Variants in LINGO2 observed in about 807,000 individuals in gnomAD.
The protein encoded by LINGO2 is leucine rich repeat and Ig domain containing 2.
Under a neutral mutation model 30.6 loss-of-function variants are expected in LINGO2, and 14 were observed. That is an observed-to-expected ratio of 0.46 (90% CI 0.30 to 0.72). The LOEUF is 0.72. Among genes scored for constraint, LINGO2 ranks in the 30% least tolerant of loss-of-function variants. The pLI is 0.07. For missense variants in LINGO2, 729 were observed against 751.7 expected (o/e 0.97, Z 0.35); for synonymous variants, 317 against 288.5 (o/e 1.10, Z -1.00).
the LINGO2 span, among the ~76,000 whole-genome samples, chr9:28,801,827 C>G: frequency 6.6e-6 from 1 of 151,962 alleles, no homozygotes; most frequent in Non-Finnish European, 1.5e-5. Context: ...GAAGTAGTAA[C>G]AATTAAAATT....
chr9:27,947,849 C>T (rs1177888440), downstream of LINGO2, among the ~76,000 whole-genome samples: 1 of 152,164 alleles, frequency 6.6e-6, no homozygotes, highest in African/African-American at 2.4e-5. Context: ...GAATATTATC[C>T]TATGGTTATT....
chr9:28,502,893 T>C (rs998879367), intron 1 of LINGO2, among the ~76,000 whole-genome samples: 2 of 152,046 alleles, frequency 1.3e-5, no homozygotes, highest in Non-Finnish European at 2.9e-5. Flanking sequence ...TGTGAGAAAA[T>C]GAGGCATGAA....
chr9:28,576,793 G>C (rs76789363), intron 1 of LINGO2, among the ~76,000 whole-genome samples: 6,128 of 152,104 alleles, frequency 0.04, 154 homozygotes, highest in African/African-American at 0.063. Context: ...TGAGATTTTG[G>C]TGTACCCTTA....
chr9:28,478,697 G>T (rs1385468846), intron 1 of LINGO2, among the ~76,000 whole-genome samples: 1 of 152,048 alleles, frequency 6.6e-6, no homozygotes, highest in East Asian at 1.9e-4. Context: ...ATTCCTGTGA[G>T]ATCAACAATA....
chr9:28,100,901 C>T (rs545438954), intron 4 of LINGO2, among the ~76,000 whole-genome samples: 4 of 152,148 alleles, frequency 2.6e-5, no homozygotes, highest in South Asian at 4.2e-4. Context: ...TCGCCACCCA[C>T]GAAAACTACA....
At chr9:28,878,606 C>T in the LINGO2 span, among the ~76,000 whole-genome samples, 8 of 152,226 alleles carry the variant, frequency 5.3e-5, no homozygotes, top group South Asian at 6.2e-4. Flanking sequence ...ACTGGCAAAC[C>T]GAATCCAGCA....
the LINGO2 span, among the ~76,000 whole-genome samples, chr9:28,875,213 C>A: frequency 6.6e-6 from 1 of 152,026 alleles, no homozygotes; most frequent in Non-Finnish European, 1.5e-5. Flanking sequence ...AAAAATAGTA[C>A]AACTTACATC....
intron 4 of LINGO2, among the ~76,000 whole-genome samples, chr9:28,067,339 G>C (rs1825344119): frequency 6.6e-6 from 1 of 152,058 alleles, no homozygotes; most frequent in African/African-American, 2.4e-5. Flanking sequence ...CTTAGAGATA[G>C]TATAGCATTT....
At chr9:28,915,187 T>A in the LINGO2 span, among the ~76,000 whole-genome samples, 1 of 152,054 alleles carries the variant, frequency 6.6e-6, no homozygotes, top group African/African-American at 2.4e-5. Context: ...GTCACAAACT[T>A]TGAGGACACA....
chr9:28,508,362 A>T (rs1031712475), intron 1 of LINGO2, among the ~76,000 whole-genome samples: 1 of 152,092 alleles, frequency 6.6e-6, no homozygotes, highest in African/African-American at 2.4e-5. Flanking sequence ...TTTTACTCAG[A>T]TGACTTATAA....
chr9:29,022,391 T>C, the LINGO2 span, among the ~76,000 whole-genome samples: 1 of 152,160 alleles, frequency 6.6e-6, no homozygotes, highest in Admixed American at 6.6e-5. Flanking sequence ...TCTGTTATTA[T>C]GCCCATACAA....
intron 1 of LINGO2, among the ~76,000 whole-genome samples, chr9:28,494,908 T>A: frequency 6.6e-6 from 1 of 152,230 alleles, no homozygotes; most frequent in African/African-American, 2.4e-5. Flanking sequence ...ATGATTGCCA[T>A]TCTAACTGCT....
the LINGO2 span, chr9:27,937,742 T>G: frequency 6.6e-6 from 1 of 152,080 alleles, no homozygotes; most frequent in Non-Finnish European, 1.5e-5. Context: ...CTCCCACCCC[T>G]ATATTTTAAT....
At chr9:28,389,831 T>C (rs1329847748) in intron 2 of LINGO2, among the ~76,000 whole-genome samples, 1 of 152,216 alleles carries the variant, frequency 6.6e-6, no homozygotes, top group African/African-American at 2.4e-5. Flanking sequence ...TTGAATTACC[T>C]ATGGAGGACA....
chr9:28,065,604 T>C (rs1825290209), intron 4 of LINGO2, among the ~76,000 whole-genome samples: 2 of 152,270 alleles, frequency 1.3e-5, no homozygotes, highest in African/African-American at 4.8e-5. Flanking sequence ...AAGTGTAAGA[T>C]AGATTCATGA....
intron 4 of LINGO2, among the ~76,000 whole-genome samples, chr9:28,017,359 C>T (rs991766194): frequency 1.3e-5 from 2 of 151,926 alleles, no homozygotes; most frequent in Admixed American, 6.6e-5. Context: ...CAAGAGAAAG[C>T]GATAACAGGC....
At chr9:29,143,969 T>C in the LINGO2 span, among the ~76,000 whole-genome samples, 31 of 152,132 alleles carry the variant, frequency 2.0e-4, no homozygotes, top group Non-Finnish European at 4.3e-4. Flanking sequence ...AGAGGTCCAG[T>C]GTCAATTTTC....
chr9:28,609,866 T>C (rs1335581584), intron 1 of LINGO2, among the ~76,000 whole-genome samples: 1 of 152,114 alleles, frequency 6.6e-6, no homozygotes, highest in Non-Finnish European at 1.5e-5. Flanking sequence ...TGAAAATGAC[T>C]AAATAAAGCA....
the LINGO2 span, among the ~76,000 whole-genome samples, chr9:29,197,498 G>A: frequency 2.6e-5 from 4 of 151,950 alleles, no homozygotes; most frequent in African/African-American, 9.7e-5. Flanking sequence ...AATAATAATA[G>A]ATAATATTTT....
Sources: allele counts gnomAD v4.1 joint callset (sites outside exome capture counted in the v4.1 genomes callset), GRCh38; gene constraint gnomAD v4.1.1; transcripts MANE v1.5; gene names NCBI Gene and HGNC (gene_info 2026-07-23, HGNC 2026-07-21).